UPF1: variants seen among roughly 807,000 people sequenced by gnomAD.
The protein encoded by UPF1 is UPF1 RNA helicase and ATPase.
UPF1 carries 9 observed loss-of-function variants against 129.2 expected under a neutral mutation model. That is an observed-to-expected ratio of 0.07 (90% CI 0.04 to 0.12). The LOEUF is 0.12. UPF1 is among the 10% of genes least tolerant of loss of function. The pLI, the probability that UPF1 is intolerant of heterozygous loss-of-function variation, is 1.00. For synonymous variants in UPF1, 649 were observed against 644.9 expected (o/e 1.01, Z -0.10); for missense variants, 788 against 1,525.3 (o/e 0.52, Z 8.05).
chr19:18,832,330 C>T lies in UPF1; in HGVS notation c.121C>T (p.Pro41Ser), dbSNP rs1429628130. 6.9e-7 allele frequency: 1 copy of T among 1,459,264 alleles called. No individual in the cohort carries two copies. The highest frequency in any genetic ancestry group is 9.2e-7 in the Non-Finnish European group (1 of 1,092,038). The allele number at this position is 1,459,264 out of a possible 1,614,324, so 90.4% of individuals were successfully genotyped here. ...SEFEFTDFTL[P>S]SQTQTPPGGP... ...GTTCGAGTTCACCGACTTTACTCTT[C>T]CTAGCCAGACGCAGACGCCCCCCGG... The change falls in exon 1 of 24, where the codon CCT becomes TCT. Residue 41 changes from proline to serine, a missense_variant. This residue lies in a region of UPF1 where 112 missense variants were observed against 128.2 expected (regional missense o/e 0.87). Coordinates refer to ENST00000262803, the MANE Select transcript of UPF1 (RefSeq NM_002911.4). This position sits in a 1 kb window ranked among gnomAD's most constrained non-coding sequence, Gnocchi z 5.6.
chr19:18,852,939 G>A (rs768517067), intron 6 of UPF1, 48 bp from the exon 7 acceptor site: 74 of 1,530,288 alleles, frequency 4.8e-5, no homozygotes, highest in East Asian at 1.4e-4. Flanking sequence ...GGCCAGGCCC[G>A]GGCCTGTGCT....
chr19:18,834,636 G>T (rs954129964), intron 1 of UPF1, among the ~76,000 whole-genome samples: 4 of 152,186 alleles, frequency 2.6e-5, no homozygotes, highest in African/African-American at 4.8e-5. Flanking sequence ...GGATTTGTTT[G>T]TGGGGAATGG....
chr19:18,852,415 G>A (rs1296564211), intron 6 of UPF1, 119 bp downstream of exon 6: 17 of 1,432,640 alleles, frequency 1.2e-5, no homozygotes, highest in African/African-American at 1.5e-5. Context: ...CTGCAGCCGC[G>A]ACACCTGAGA....
In UPF1 at chr19:18,846,129, G is replaced by C; in HGVS notation, c.371+10G>C. 1 of 1,613,768 alleles carries C rather than the reference G, an allele frequency of 6.2e-7. No individual in the cohort carries two copies. The highest frequency in any genetic ancestry group is 8.5e-7 in the Non-Finnish European group (1 of 1,179,894). On this transcript the variant is annotated intron_variant, in intron 2 of 23. Transcript: ENST00000262803. The stretch of plus-strand genomic sequence containing the variant: ...CCATACACGCCTGCAGGTGAGCTGA[G>C]CTCAGCTGGGCCTGGGCATGTGCTG...
rs970431904 is a variant in UPF1 at position 18,863,310 on chromosome 19, C to T, written c.2601-128C>T. ...CCTGTCCCTGTGGCTGGCAGCCTGC[C>T]TGCTGCCCGGTCCACGCCTCTGTTG... On this transcript the variant is annotated intron_variant, in intron 18 of 23. Coordinates refer to ENST00000262803, the MANE Select transcript of UPF1 (RefSeq NM_002911.4). The T allele has an allele frequency of 4.0e-6, 5 of 1,258,088 alleles. No individual in the cohort carries two copies. The African/African-American group carries it at 6.0e-5, about 15-fold the overall frequency. The allele number at this position is 1,258,088 out of a possible 1,614,324, so 77.9% of individuals were successfully genotyped here. A position where few individuals can be genotyped will look rare whatever the true frequency, so the allele number is the denominator to read the frequency against.
Position 18,854,470 on chromosome 19 carries a change from G to A in UPF1, c.1157-131G>A, listed in dbSNP as rs1261328596. The A allele has an allele frequency of 4.7e-5, 33 of 701,352 alleles. No individual in the cohort carries two copies. The East Asian group carries it at 6.3e-4, about 13-fold the overall frequency. The allele number at this position is 701,352 out of a possible 1,614,324, so 43.4% of individuals were successfully genotyped here. A position where few individuals can be genotyped will look rare whatever the true frequency, so the allele number is the denominator to read the frequency against. On this transcript the variant is annotated intron_variant, in intron 8 of 23. Coordinates refer to ENST00000262803, the MANE Select transcript of UPF1 (RefSeq NM_002911.4). ...CTGGTGTTGGCTGCACGTTTTTAGC[G>A]TTTGGTGCAGAGCCAGCGGTGTCTT...
chr19:18,847,410 C>A (rs2055612452), intron 2 of UPF1, among the ~76,000 whole-genome samples: 1 of 152,210 alleles, frequency 6.6e-6, no homozygotes, highest in South Asian at 2.1e-4. Flanking sequence ...TTCACCATGA[C>A]CACTGGGTCT....
chr19:18,832,152 G>A lies in UPF1; in HGVS notation c.-58G>A. ...CGAGGCCTGCGGCCTAGGCCTCAGC[G>A]CGGCGGCGGGCTCGAGTGCAGCGCG... On this transcript the variant is annotated 5_prime_UTR_variant, in exon 1 of 24. Coordinates refer to ENST00000262803, the MANE Select transcript of UPF1 (RefSeq NM_002911.4). The surrounding 1 kb of genome is among the most constrained non-coding windows in gnomAD (Gnocchi z 5.6). The A allele has an allele frequency of 1.4e-6, 2 of 1,458,950 alleles. No homozygotes were observed. Among genetic ancestry groups the A allele is most frequent in the Non-Finnish European group, 1.8e-6 (2 of 1,095,388 alleles). The allele number at this position is 1,458,950 out of a possible 1,614,324, so 90.4% of individuals were successfully genotyped here.
chr19:18,839,416 C>T (rs148966185), intron 1 of UPF1, among the ~76,000 whole-genome samples: 180 of 152,232 alleles, frequency 1.2e-3, no homozygotes, highest in African/African-American at 4.2e-3. Context: ...GAACTTAGTG[C>T]TGTTTTAGTA....
Position 18,865,774 on chromosome 19 carries a change from C to G in UPF1, c.3233C>G (p.Ser1078Cys). The G allele has an allele frequency of 6.2e-7, 1 of 1,612,758 alleles. No homozygotes were observed. ...SQPGLSQPEL[S>C]QDSYLGDEFK... is the part of the protein sequence containing the mutation. ...CCCGGCCTCTCCCAGCCGGAGCTGT[C>G]CCAGGTGAGCCCGCCCCTGGGACGG... The change falls in exon 22 of 24, where the codon TCC (serine) becomes TGC (cysteine). Residue 1078 changes from serine to cysteine, a missense_variant. Transcript: ENST00000262803. This position sits in a 1 kb window ranked among gnomAD's most constrained non-coding sequence, Gnocchi z 6.1.
At position 18,843,426 on chromosome 19, in the gene UPF1, C is replaced by T. The variant is rs192440162; in HGVS notation, c.232-2554C>T. Among the ~76,000 whole-genome samples the T allele has an allele frequency of 3.3e-5, 5 of 151,684 alleles. No individual in the cohort carries two copies. In the East Asian group the frequency reaches 9.7e-4, roughly 29 times the overall value. Reference sequence around the variant, plus strand: ...GTGCAAATGTTGGAGTAGATGTCTGCGGCCTGAGAGTTTATGATGGCACAT... The same window carrying T: ...GTGCAAATGTTGGAGTAGATGTCTGTGGCCTGAGAGTTTATGATGGCACAT... On this transcript the variant is annotated intron_variant, in intron 1 of 23. Transcript: ENST00000262803.
intron 1 of UPF1, among the ~76,000 whole-genome samples, chr19:18,840,364 A>G (rs1173280739): frequency 2.6e-5 from 4 of 152,180 alleles, no homozygotes; most frequent in Non-Finnish European, 2.9e-5. Context: ...TGGTCTCATC[A>G]GGGTCCATAA....
rs895620441 is a variant in UPF1 at position 18,836,331 on chromosome 19, A to C, written c.231+3891A>C. Among the ~76,000 whole-genome samples, 6 of 152,334 alleles carry C rather than the reference A, an allele frequency of 3.9e-5. No individual in the cohort carries two copies. In the East Asian group the frequency reaches 1.2e-3, roughly 29 times the overall value. On this transcript the variant is annotated intron_variant, in intron 1 of 23. Coordinates refer to ENST00000262803, the MANE Select transcript of UPF1 (RefSeq NM_002911.4). ...CCTGGATCCTCCAAACGGGAACTAG[A>C]GTGAAACTCTTAAGAGTTGGAAATA... is the stretch of plus-strand genomic sequence containing the variant.
At position 18,857,539 on chromosome 19, in the gene UPF1, G is replaced by A. The variant is rs540060615; in HGVS notation, c.2182+6G>A. 51 of 1,607,920 alleles carry A rather than the reference G, an allele frequency of 3.2e-5. No individual in the cohort carries two copies. The East Asian group carries it at 7.2e-4, about 23-fold the overall frequency. On this transcript the variant is annotated splice_donor_region_variant and intron_variant, in intron 15 of 23. Coordinates refer to ENST00000262803, the MANE Select transcript of UPF1 (RefSeq NM_002911.4). ...CCAGAATGGTGTCACTGCAGGTAAC[G>A]GGGCTCTGCCCAGGGCAGGGGCTTC...
rs1041910452 is a variant in UPF1 at position 18,863,131 on chromosome 19, C to T, written c.2601-307C>T. 3.7e-5 allele frequency: 11 copies of T among 296,952 alleles called. No homozygotes were observed. In the South Asian group the frequency reaches 6.3e-4, roughly 17 times the overall value. The allele number at this position is 296,952 out of a possible 1,614,324, so 18.4% of individuals were successfully genotyped here. On this transcript the variant is annotated intron_variant, in intron 18 of 23. Transcript: ENST00000262803. ...GCCTGCTGGGGGCCCTGTGGGGCCGCGTGTGCCCCGGTGCCTGGAAGGCCG... is the reference window on the plus strand; with the variant it reads ...GCCTGCTGGGGGCCCTGTGGGGCCGTGTGTGCCCCGGTGCCTGGAAGGCCG...
intron 19 of UPF1, 32 bp downstream of exon 19, chr19:18,863,644 C>A (rs958839543): frequency 6.3e-7 from 1 of 1,586,304 alleles, no homozygotes; most frequent in African/African-American, 1.3e-5. Context: ...CAGGGCAGCA[C>A]GGAGAAACCC....
At chr19:18,839,369 C>G (rs2055517070) in intron 1 of UPF1, among the ~76,000 whole-genome samples, 1 of 152,224 alleles carries the variant, frequency 6.6e-6, no homozygotes, top group Non-Finnish European at 1.5e-5. Context: ...GCTGAGATTA[C>G]AGGCATGAGC....
chr19:18,853,197 G>T lies in UPF1; in HGVS notation c.1058-55G>T. 1.3e-6 allele frequency: 2 copies of T among 1,598,826 alleles called. No individual in the cohort carries two copies. Among genetic ancestry groups the T allele is most frequent in the Non-Finnish European group, 1.7e-6 (2 of 1,169,838 alleles). On this transcript the variant is annotated intron_variant, in intron 7 of 23. Transcript: ENST00000262803. The surrounding 1 kb of genome is among the most constrained non-coding windows in gnomAD (Gnocchi z 4.4). ...TGCCCCTTAATTTGAACTCTCCCTG[G>T]TGGAAGCGACGGCGTGGGTTAAAAT...
At chr19:18,845,735 G>C (rs761869439) in intron 1 of UPF1, among the ~76,000 whole-genome samples, 8 of 152,160 alleles carry the variant, frequency 5.3e-5, no homozygotes, top group South Asian at 2.1e-4. Context: ...GCATGGACAT[G>C]GCTCTGTGGC....
Sources: gnomAD v4.1 joint callset for allele counts (sites outside exome capture counted in the v4.1 genomes callset) on GRCh38, gnomAD v4.1.1 for gene constraint, gnomAD v4.1.1 regional missense constraint, Gnocchi (gnomAD v3.1) non-coding constraint, MANE v1.5 for transcripts, NCBI Gene and HGNC (gene_info 2026-07-23, HGNC 2026-07-21) for gene names.